Variants in SIRPG observed in about 807,000 individuals in gnomAD.
SIRPG encodes signal regulatory protein gamma, also known as signal-regulatory protein gamma.
In SIRPG, 38 loss-of-function variants were observed where a neutral mutation model predicts 35.7. That is an observed-to-expected ratio of 1.06 (90% CI 0.82 to 1.40). SIRPG has a LOEUF of 1.40. SIRPG is among the 40% of genes most tolerant of loss of function. SIRPG has a pLI of 0.00. For synonymous variants in SIRPG, 215 were observed against 190.4 expected (o/e 1.13, Z -1.06); for missense variants, 519 against 483.0 (o/e 1.07, Z -0.70).
chr20:1,637,768 C>T (rs902225437), intron 2 of SIRPG: 3 of 152,146 alleles, frequency 2.0e-5, no homozygotes, highest in Non-Finnish European at 4.4e-5. Flanking sequence ...ATCGTTAATT[C>T]ATTACAAGAG....
chr20:1,648,986 TG>T (rs2091917577), intron 2 of SIRPG, 65 bp downstream of exon 2: 1 of 1,351,016 alleles, frequency 7.4e-7, no homozygotes, highest in Non-Finnish European at 1.0e-6. Context: ...GCTCAAAGAA[TG>T]GAAGGTGTTA....
the SIRPG span, among the ~76,000 whole-genome samples, chr20:1,663,744 T>G: frequency 6.6e-6 from 1 of 152,382 alleles, no homozygotes; most frequent in South Asian, 2.1e-4. Flanking sequence ...GCTTTTGAAC[T>G]GTCGCGGCAT....
chr20:1,643,983 T>C (rs1380643247), intron 2 of SIRPG, among the ~76,000 whole-genome samples: 13 of 152,210 alleles, frequency 8.5e-5, no homozygotes, highest in Admixed American at 7.9e-4. Flanking sequence ...ACTGATCTAA[T>C]GCCAGTAGGA....
the SIRPG span, among the ~76,000 whole-genome samples, chr20:1,663,645 G>A: frequency 0.21 from 31,403 of 152,230 alleles, 3,605 homozygotes; most frequent in Admixed American, 0.33. Context: ...ACTGTTATAC[G>A]TTTATCATCT....
chr20:1,658,605 G>T (rs1156997349), upstream of SIRPG, among the ~76,000 whole-genome samples: 1 of 152,138 alleles, frequency 6.6e-6, no homozygotes, highest in Non-Finnish European at 1.5e-5. Context: ...TGGGGAAGTC[G>T]CTGGGCCCTC....
intron 4 of SIRPG, 30 bp from the exon 5 acceptor site, chr20:1,630,336 A>G: frequency 6.6e-7 from 1 of 1,525,566 alleles, no homozygotes; most frequent in South Asian, 1.2e-5. Context: ...AGGGGCTATG[A>G]GAGAGACCAC....
At chr20:1,652,778 C>T (rs1226592916) in intron 1 of SIRPG, among the ~76,000 whole-genome samples, 1 of 152,130 alleles carries the variant, frequency 6.6e-6, no homozygotes, top group African/African-American at 2.4e-5. Context: ...TTTTCATTCA[C>T]CTATTTATCA....
intron 1 of SIRPG, among the ~76,000 whole-genome samples, chr20:1,651,920 T>C (rs1190869104): frequency 6.6e-6 from 1 of 152,190 alleles, no homozygotes; most frequent in Non-Finnish European, 1.5e-5. Flanking sequence ...TATAATAATA[T>C]CACATAATCC....
chr20:1,680,338 A>T, the SIRPG span, among the ~76,000 whole-genome samples: 2 of 152,214 alleles, frequency 1.3e-5, no homozygotes, highest in Non-Finnish European at 2.9e-5. Context: ...ACCTACTGGG[A>T]TCCCCTGGTC....
At chr20:1,680,766 A>T in the SIRPG span, among the ~76,000 whole-genome samples, 3,893 of 152,326 alleles carry the variant, frequency 0.026, 146 homozygotes, top group African/African-American at 0.086. Flanking sequence ...TTCTATGACA[A>T]AAATAATCAA....
intron 2 of SIRPG, among the ~76,000 whole-genome samples, chr20:1,643,874 C>T (rs1172624506): frequency 1.3e-5 from 2 of 152,134 alleles, no homozygotes; most frequent in African/African-American, 2.4e-5. Flanking sequence ...GCCTTTTCAT[C>T]TGGTTGGCTC....
At chr20:1,681,633 C>T in the SIRPG span, among the ~76,000 whole-genome samples, 1 of 152,088 alleles carries the variant, frequency 6.6e-6, no homozygotes, top group South Asian at 2.1e-4. Context: ...GAGTTTCAGA[C>T]CAGCCTGGCC....
At chr20:1,637,026 G>A (rs1244981945) in intron 2 of SIRPG, among the ~76,000 whole-genome samples, 1 of 152,204 alleles carries the variant, frequency 6.6e-6, no homozygotes, top group Non-Finnish European at 1.5e-5. Context: ...TCCCAGGGGT[G>A]CAACAAGGAT....
chr20:1,635,208 G>A lies in SIRPG; in HGVS notation c.1081+59C>T, dbSNP rs1427028931. The A allele has an allele frequency of 2.2e-6, 3 of 1,340,338 alleles. No individual in the cohort carries two copies. In the African/African-American group the frequency reaches 4.4e-5, roughly 20 times the overall value. 83.0% of individuals were successfully genotyped at this position (1,340,338 alleles called of 1,614,324 possible). A position where few individuals can be genotyped will look rare whatever the true frequency, so the allele number is the denominator to read the frequency against. ...TTCTAGCTTATTTTACAGCAAGTGTGGATATTACTTTTAAAATGAGAGAAA... is the reference window on the plus strand; with the variant it reads ...TTCTAGCTTATTTTACAGCAAGTGTAGATATTACTTTTAAAATGAGAGAAA... On this transcript the variant is annotated intron_variant, in intron 4 of 5. Coordinates refer to ENST00000303415, the MANE Select transcript of SIRPG (RefSeq NM_018556.4).
At chr20:1,668,147 CTTTTTTTCTTTTCTTTTCTTTTCT>C in the SIRPG span, among the ~76,000 whole-genome samples, 2 of 101,008 alleles carry the variant, frequency 2.0e-5, no homozygotes, top group Non-Finnish European at 4.3e-5. Context: ...CTTTTCTTTT[CTTTTTTTCTTTTCTTTTCTTTTCT>C]TTTCTTTCTT....
chr20:1,654,757 A>G (rs2091964702), intron 1 of SIRPG, among the ~76,000 whole-genome samples: 1 of 152,196 alleles, frequency 6.6e-6, no homozygotes, highest in African/African-American at 2.4e-5. Flanking sequence ...AACCTATAGA[A>G]TGGAAGAAAA....
intron 2 of SIRPG, among the ~76,000 whole-genome samples, chr20:1,645,006 T>TGG (rs1465278241): frequency 6.6e-6 from 1 of 152,216 alleles, no homozygotes; most frequent in Non-Finnish European, 1.5e-5. Flanking sequence ...CTGTCCTGCG[T>TGG]GACATCTTGG....
chr20:1,679,618 T>C, the SIRPG span, among the ~76,000 whole-genome samples: 2 of 152,120 alleles, frequency 1.3e-5, no homozygotes, highest in African/African-American at 2.4e-5. Context: ...CTGGGAACTA[T>C]GAGTAGAATA....
chr20:1,638,994 C>G (rs1229015915), intron 2 of SIRPG, among the ~76,000 whole-genome samples: 1 of 152,066 alleles, frequency 6.6e-6, no homozygotes, highest in Admixed American at 6.6e-5. Context: ...TGTATATGTA[C>G]CACCTTTTCT....
Sources: gnomAD v4.1 joint callset for allele counts (sites outside exome capture counted in the v4.1 genomes callset) on GRCh38, gnomAD v4.1.1 for gene constraint, MANE v1.5 for transcripts, NCBI Gene and HGNC (gene_info 2026-07-23, HGNC 2026-07-21) for gene names.